MIPEP: variants seen among roughly 807,000 people sequenced by gnomAD.
MIPEP encodes mitochondrial intermediate peptidase.
Under a neutral mutation model 90.3 loss-of-function variants are expected in MIPEP, and 79 were observed. The observed-to-expected ratio is 0.87, with a 90% CI of 0.73 to 1.05. MIPEP has a LOEUF of 1.05. MIPEP is among the 50% of genes least tolerant of loss of function. MIPEP has a pLI of 0.00. For synonymous variants in MIPEP, 334 were observed against 315.8 expected (o/e 1.06, Z -0.61); for missense variants, 940 against 905.6 (o/e 1.04, Z -0.49).
In MIPEP at chr13:23,888,993, C is replaced by G. The variant is rs17340157; in HGVS notation, c.189+139G>C. 104,069 of 805,618 alleles carry G rather than the reference C, an allele frequency of 0.13. 7,528 individuals are homozygous for G. Among genetic ancestry groups the G allele is most frequent in the Non-Finnish European group, 0.14 (84,044 of 579,750 alleles). 49.9% of individuals were successfully genotyped at this position (805,618 alleles called of 1,614,324 possible). ...ACCTTGCCCTCATCGAGAGCGCACACAAGACGCCACTGTAAAAGGTGGGTT... is the reference window on the plus strand; with the variant it reads ...ACCTTGCCCTCATCGAGAGCGCACAGAAGACGCCACTGTAAAAGGTGGGTT... On this transcript the variant is annotated intron_variant, in intron 1 of 18. Transcript: ENST00000382172.
intron 16 of MIPEP, among the ~76,000 whole-genome samples, chr13:23,762,278 T>C (rs1317246185): frequency 6.6e-6 from 1 of 152,130 alleles, no homozygotes; most frequent in Non-Finnish European, 1.5e-5. Flanking sequence ...CTCTATAAAC[T>C]AGATAAGTGA....
At chr13:23,742,562 T>A (rs1217182587) in intron 18 of MIPEP, among the ~76,000 whole-genome samples, 2 of 152,228 alleles carry the variant, frequency 1.3e-5, no homozygotes, top group Non-Finnish European at 2.9e-5. Flanking sequence ...CCCGAAGATT[T>A]ATGAAAACCT....
chr13:23,883,927 C>G lies in MIPEP; in HGVS notation c.364-2140G>C, dbSNP rs548774349. ...CCCAGTACAACAGAACTACTCAGAG[C>G]CTGCAACTTCACTCCAGGGAAAAAC... On this transcript the variant is annotated intron_variant, in intron 2 of 18. Coordinates refer to ENST00000382172, the MANE Select transcript of MIPEP (RefSeq NM_005932.4). Among the ~76,000 whole-genome samples, 6 of 152,270 alleles carry G rather than the reference C, an allele frequency of 3.9e-5. No individual in the cohort carries two copies. In the East Asian group the frequency reaches 1.2e-3, roughly 29 times the overall value.
intron 18 of MIPEP, among the ~76,000 whole-genome samples, chr13:23,742,037 C>G (rs773323883): frequency 1.3e-5 from 2 of 152,122 alleles, no homozygotes; most frequent in Non-Finnish European, 2.9e-5. Context: ...ACAATAGCCC[C>G]GTGGGGCCTT....
At chr13:23,805,144 C>A (rs1361085284) in intron 16 of MIPEP, among the ~76,000 whole-genome samples, 1 of 152,192 alleles carries the variant, frequency 6.6e-6, no homozygotes, top group Non-Finnish European at 1.5e-5. Context: ...TCCGTGTGAA[C>A]CACGTTTCTA....
At chr13:23,732,941 T>C (rs552376466) in intron 18 of MIPEP, among the ~76,000 whole-genome samples, 2 of 152,346 alleles carry the variant, frequency 1.3e-5, no homozygotes, top group African/African-American at 4.8e-5. Context: ...TAAGCAACTA[T>C]TGAACTCTAA....
rs750217160 is a variant in MIPEP at position 23,760,138 on chromosome 13, G to A, written c.1928C>T (p.Ser643Phe). 6.2e-7 allele frequency: 1 copy of A among 1,614,020 alleles called. No individual in the cohort carries two copies. Among genetic ancestry groups the A allele is most frequent in the Non-Finnish European group, 8.5e-7 (1 of 1,180,038 alleles). ...YSYLMSRAVA[S>F]MVWKECFLQD... Reference sequence around the variant, plus strand: ...TAGAAAACACTCCTTCCAAACCATGGAGGCGACCGCTCTGGACATGAGGTA... The same window carrying A: ...TAGAAAACACTCCTTCCAAACCATGAAGGCGACCGCTCTGGACATGAGGTA... The change falls in exon 17 of 19, where the codon TCC (serine) becomes TTC (phenylalanine). Residue 643 changes from serine to phenylalanine, a missense_variant. Ser to Phe is a radical substitution (Grantham distance 155). Transcript: ENST00000382172.
At chr13:23,822,630 A>G (rs1470716834) in intron 14 of MIPEP, among the ~76,000 whole-genome samples, 1 of 152,174 alleles carries the variant, frequency 6.6e-6, no homozygotes, top group African/African-American at 2.4e-5. Flanking sequence ...CTCTTTGTGT[A>G]CCCAAACACA....
intron 16 of MIPEP, among the ~76,000 whole-genome samples, chr13:23,785,624 T>TAAAAAAAAAAAAAA (rs67915328): frequency 2.5e-5 from 3 of 119,268 alleles, no homozygotes; most frequent in African/African-American, 3.6e-5. Flanking sequence ...TAAAGTATAA[T>TAAAAAAAAAAAAAA]AAAAAAAAAA....
At position 23,764,401 on chromosome 13, in the gene MIPEP, C is replaced by T. The variant is rs539601957; in HGVS notation, c.1849-4184G>A. Among the ~76,000 whole-genome samples the T allele has an allele frequency of 2.1e-3, 327 of 152,192 alleles. 1 individual carries two copies. The highest frequency in any genetic ancestry group is 5.9e-3 in the Admixed American group (90 of 15,290). ...TGCCTATAGCCCTACTCTAATGCCA[C>T]GATTTTCCAGGGCCGGAAATGGAAA... On this transcript the variant is annotated intron_variant, in intron 16 of 18. Coordinates refer to ENST00000382172, the MANE Select transcript of MIPEP (RefSeq NM_005932.4).
At chr13:23,745,713 A>T (rs1202998678) in intron 18 of MIPEP, among the ~76,000 whole-genome samples, 2 of 152,058 alleles carry the variant, frequency 1.3e-5, no homozygotes, top group African/African-American at 4.8e-5. Context: ...GGATCACTTG[A>T]GGTCAGGAGT....
intron 18 of MIPEP, among the ~76,000 whole-genome samples, chr13:23,747,886 G>A (rs1254059356): frequency 2.0e-5 from 3 of 152,154 alleles, no homozygotes; most frequent in South Asian, 2.1e-4. Flanking sequence ...GACTACCGGC[G>A]TATGCCACCA....
rs78797259 is a variant in MIPEP, at chr13:23,884,855, A to G, written c.363+1478T>C. Among the ~76,000 whole-genome samples the G allele has an allele frequency of 7.6e-3, 1,164 of 152,346 alleles. 15 individuals are homozygous for G. Among genetic ancestry groups the G allele is most frequent in the African/African-American group, 0.027 (1,104 of 41,576 alleles). On this transcript the variant is annotated intron_variant, in intron 2 of 18. Coordinates refer to ENST00000382172, the MANE Select transcript of MIPEP (RefSeq NM_005932.4). ...GTGAGGGAAAAACCTATGCAGTTCT[A>G]TACCATGTAGACAGGATCATAAATG...
intron 14 of MIPEP, among the ~76,000 whole-genome samples, chr13:23,828,493 A>G (rs1366179836): frequency 6.6e-6 from 1 of 152,266 alleles, no homozygotes; most frequent in East Asian, 1.9e-4. Flanking sequence ...TGTAAACAAG[A>G]GCACTATACA....
intron 16 of MIPEP, among the ~76,000 whole-genome samples, chr13:23,777,885 A>T (rs950502310): frequency 2.0e-5 from 3 of 152,216 alleles, no homozygotes; most frequent in African/African-American, 7.2e-5. Context: ...ATTCATGTTC[A>T]TTTAAATTCA....
chr13:23,847,850 A>C (rs1016665513), intron 10 of MIPEP, among the ~76,000 whole-genome samples: 1 of 150,064 alleles, frequency 6.7e-6, no homozygotes, highest in Non-Finnish European at 1.5e-5. Flanking sequence ...GTTTGAGATA[A>C]TATTATCTTA....
intron 10 of MIPEP, among the ~76,000 whole-genome samples, chr13:23,853,862 A>G (rs558609657): frequency 5.9e-5 from 9 of 151,970 alleles, no homozygotes; most frequent in East Asian, 1.9e-4. Flanking sequence ...CACTGTGCCC[A>G]GCCCACGATG....
At chr13:23,868,108 T>C (rs957366117) in intron 7 of MIPEP, among the ~76,000 whole-genome samples, 3 of 151,986 alleles carry the variant, frequency 2.0e-5, no homozygotes, top group African/African-American at 7.3e-5. Context: ...GGAGCTTCGA[T>C]TATATGAAAA....
intron 1 of MIPEP, chr13:23,888,187 G>A (rs538423302): frequency 1.9e-4 from 77 of 398,120 alleles, no homozygotes; most frequent in African/African-American, 1.7e-3. Context: ...TCTGCTCAGC[G>A]CCTACAAGTA....
Sources: gnomAD v4.1 joint callset for allele counts (sites outside exome capture counted in the v4.1 genomes callset) on GRCh38, gnomAD v4.1.1 for gene constraint, MANE v1.5 for transcripts, NCBI Gene and HGNC (gene_info 2026-07-23, HGNC 2026-07-21) for gene names.